Variants in PLCXD2 observed in about 807,000 individuals in gnomAD.
PLCXD2 encodes the protein phosphatidylinositol specific phospholipase C X domain containing 2, also known as PI-PLC X domain-containing protein 2.
Under a neutral mutation model 28.6 loss-of-function variants are expected in PLCXD2, and 21 were observed. The observed-to-expected ratio is 0.73, with a 90% CI of 0.52 to 1.06. The LOEUF is 1.06. Ranked by LOEUF, PLCXD2 falls within the 50% of genes least tolerant of loss-of-function variation. The pLI, the probability that PLCXD2 is intolerant of heterozygous loss-of-function variation, is 0.00. For missense variants in PLCXD2, 369 were observed against 376.7 expected (o/e 0.98, Z 0.17); for synonymous variants, 140 against 150.1 (o/e 0.93, Z 0.49).
chr3:111,675,359 G>A lies in PLCXD2; in HGVS notation c.114G>A (p.Ser38=), dbSNP rs768875415. The A allele has an allele frequency of 1.2e-6, 2 of 1,614,106 alleles. No homozygotes were observed. The highest frequency in any genetic ancestry group is 1.1e-5 in the South Asian group (1 of 91,086). ...TCTGCAATGCCGACTGGATGGCCTC[G>A]CTCCCCCCTCACCTCCACAACCTCC... is the stretch of plus-strand genomic sequence containing the variant. Residue 38 remains serine (S), a synonymous_variant, in exon 1 of 5, where the codon TCG becomes TCA. Transcript: ENST00000477665.
intron 1 of PLCXD2, among the ~76,000 whole-genome samples, chr3:111,704,434 A>T (rs1252398756): frequency 1.3e-5 from 2 of 152,254 alleles, no homozygotes; most frequent in Non-Finnish European, 2.9e-5. Context: ...TTTCATCTAG[A>T]AATAGCTACT....
intron 1 of PLCXD2, among the ~76,000 whole-genome samples, chr3:111,680,825 C>T (rs952140546): frequency 5.3e-5 from 8 of 152,204 alleles, no homozygotes; most frequent in Non-Finnish European, 1.0e-4. Context: ...CCTCAGTGTC[C>T]TTCTCTGTAA....
chr3:111,714,176 T>C, intron 3 of PLCXD2, 48 bp downstream of exon 3: 1 of 1,584,120 alleles, frequency 6.3e-7, no homozygotes. Context: ...AAAAAATATT[T>C]ATCTTGATTC....
At chr3:111,720,900 C>A in intron 3 of PLCXD2, 1 of 416,618 alleles carries the variant, frequency 2.4e-6, no homozygotes, top group Non-Finnish European at 4.4e-6. Context: ...TTTAATTTAA[C>A]CTTAATGTTG....
At chr3:111,686,509 A>T (rs1373483853) in intron 1 of PLCXD2, among the ~76,000 whole-genome samples, 1 of 152,194 alleles carries the variant, frequency 6.6e-6, no homozygotes, top group East Asian at 1.9e-4. Context: ...GAAAATAAAC[A>T]AGTATGATAT....
intron 1 of PLCXD2, among the ~76,000 whole-genome samples, chr3:111,689,828 G>A (rs921765745): frequency 6.6e-6 from 1 of 152,154 alleles, no homozygotes. Context: ...AAGTAGTAAC[G>A]CCTAAGGTAA....
chr3:111,713,811 A>G, intron 2 of PLCXD2, 76 bp from the exon 3 acceptor site: 1 of 1,468,400 alleles, frequency 6.8e-7, no homozygotes, highest in Admixed American at 2.0e-5. Context: ...TTTTCCTAGC[A>G]GTCCGTATAA....
chr3:111,716,599 C>T (rs1941270454), intron 3 of PLCXD2, among the ~76,000 whole-genome samples: 1 of 152,050 alleles, frequency 6.6e-6, no homozygotes, highest in Non-Finnish European at 1.5e-5. Context: ...AATGCTTTGC[C>T]TAAGCTTGAG....
At chr3:111,679,023 C>T (rs1940670350) in intron 1 of PLCXD2, among the ~76,000 whole-genome samples, 2 of 152,006 alleles carry the variant, frequency 1.3e-5, no homozygotes. Flanking sequence ...TTTAAGAAAC[C>T]TCCATAGAGA....
At chr3:111,718,520 G>GATAT (rs1941303934) in intron 3 of PLCXD2, among the ~76,000 whole-genome samples, 1 of 133,074 alleles carries the variant, frequency 7.5e-6, no homozygotes, top group African/African-American at 2.8e-5. Context: ...TAGATAGATA[G>GATAT]ATAGATAGAT....
chr3:111,689,670 A>G (rs1338911068), intron 1 of PLCXD2, among the ~76,000 whole-genome samples: 1 of 152,214 alleles, frequency 6.6e-6, no homozygotes, highest in African/African-American at 2.4e-5. Flanking sequence ...CTTGTTCAGA[A>G]TAAGCACCTT....
chr3:111,677,502 G>A (rs192674968), intron 1 of PLCXD2: 5 of 152,184 alleles, frequency 3.3e-5, no homozygotes, highest in Admixed American at 3.3e-4. Context: ...ATTATGTACT[G>A]AGCACTACCA....
intron 1 of PLCXD2, among the ~76,000 whole-genome samples, chr3:111,685,888 C>T (rs1001305169): frequency 1.3e-5 from 2 of 152,196 alleles, no homozygotes; most frequent in Non-Finnish European, 2.9e-5. Context: ...ATAGGTACCC[C>T]TCCCCATGTA....
chr3:111,723,402 A>G (rs1320911102), intron 3 of PLCXD2: 1 of 152,178 alleles, frequency 6.6e-6, no homozygotes, highest in Admixed American at 6.5e-5. Context: ...CTTGGGTTGT[A>G]ACATTTAAGT....
intron 2 of PLCXD2, among the ~76,000 whole-genome samples, chr3:111,710,396 G>A (rs1006100769): frequency 6.6e-6 from 1 of 152,148 alleles, no homozygotes; most frequent in African/African-American, 2.4e-5. Context: ...TTTACAATGA[G>A]CTACGTACAT....
At chr3:111,711,876 A>G (rs928372157) in intron 2 of PLCXD2, among the ~76,000 whole-genome samples, 4 of 152,236 alleles carry the variant, frequency 2.6e-5, no homozygotes, top group Non-Finnish European at 4.4e-5. Flanking sequence ...TTAAGTCTAT[A>G]TCCCAGAGGC....
At chr3:111,719,073 C>G (rs1439558761) in intron 3 of PLCXD2, among the ~76,000 whole-genome samples, 1 of 152,142 alleles carries the variant, frequency 6.6e-6, no homozygotes, top group Non-Finnish European at 1.5e-5. Flanking sequence ...CCTTGACCTC[C>G]TACTTTATAC....
At position 111,675,169 on chromosome 3, in the gene PLCXD2, G is replaced by A; in HGVS notation, c.-77G>A. ...GGCGTGGCAAGCGTCGCCCTGAAAC[G>A]TCCACAGAGCCCAAGAAGTGATGAT... On this transcript the variant is annotated 5_prime_UTR_variant, in exon 1 of 5. Coordinates refer to ENST00000477665, the MANE Select transcript of PLCXD2 (RefSeq NM_001185106.1). 1 of 1,527,588 alleles carries A rather than the reference G, an allele frequency of 6.5e-7. No homozygotes were observed. Among genetic ancestry groups the A allele is most frequent in the Non-Finnish European group, 8.9e-7 (1 of 1,128,150 alleles). The allele number at this position is 1,527,588 out of a possible 1,614,324, so 94.6% of individuals were successfully genotyped here.
At chr3:111,703,703 A>G (rs1941078638) in intron 1 of PLCXD2, among the ~76,000 whole-genome samples, 2 of 152,370 alleles carry the variant, frequency 1.3e-5, no homozygotes, top group East Asian at 1.9e-4. Flanking sequence ...AAATCTCTCA[A>G]TGAGGAGGTA....
Sources: gnomAD v4.1 joint callset for allele counts (sites outside exome capture counted in the v4.1 genomes callset) on GRCh38, gnomAD v4.1.1 for gene constraint, MANE v1.5 for transcripts, NCBI Gene and HGNC (gene_info 2026-07-23, HGNC 2026-07-21) for gene names.